Variants in STK3 observed in about 807,000 individuals in gnomAD.
STK3 encodes serine/threonine kinase 3.
STK3 carries 41 observed loss-of-function variants against 58.0 expected under a neutral mutation model. The observed-to-expected ratio is 0.71, with a 90% CI of 0.55 to 0.92. The LOEUF is 0.92. Among genes scored for constraint, STK3 ranks in the 40% least tolerant of loss-of-function variants. STK3 has a pLI of 0.00. For missense variants in STK3, 479 were observed against 602.7 expected (o/e 0.79, Z 2.15); for synonymous variants, 170 against 191.0 (o/e 0.89, Z 0.91).
Position 98,800,864 on chromosome 8 carries a change from C to G in STK3, c.26+24651G>C, listed in dbSNP as rs988467012. 6.6e-6 allele frequency among the ~76,000 whole-genome samples: 1 copy of G among 151,842 alleles called. No homozygotes were observed. Among genetic ancestry groups the G allele is most frequent in the Non-Finnish European group, 1.5e-5 (1 of 67,924 alleles). The stretch of plus-strand genomic sequence containing the variant: ...GGACCTGCAGCCCCCCATGCCAGAG[C>G]CCCCCCCACCAAGGTGGGCTCCCGT... On this transcript the variant is annotated intron_variant, in intron 1 of 10. Coordinates refer to ENST00000419617, the MANE Select transcript of STK3 (RefSeq NM_006281.4). This position sits in a 1 kb window ranked among gnomAD's most constrained non-coding sequence, Gnocchi z 4.8.
chr8:98,676,285 T>C (rs1002791862), intron 6 of STK3, among the ~76,000 whole-genome samples: 3 of 152,180 alleles, frequency 2.0e-5, no homozygotes, highest in Non-Finnish European at 4.4e-5. Flanking sequence ...AGATGAATAG[T>C]GGTGATGTTG....
At chr8:98,393,901 T>C (rs1276361549) in intron 3 of STK3, among the ~76,000 whole-genome samples, 1 of 152,174 alleles carries the variant, frequency 6.6e-6, no homozygotes, top group African/African-American at 2.4e-5. Context: ...TGCTTATTGT[T>C]TTAAGCCACT....
intron 1 of STK3, chr8:98,905,514 T>C: frequency 3.6e-6 from 4 of 1,118,792 alleles, no homozygotes; most frequent in Middle Eastern, 2.0e-4. Flanking sequence ...ATGCAAGTTG[T>C]GTATGGTATC....
At chr8:98,463,560 TACA>T (rs1412683478) in intron 10 of STK3, among the ~76,000 whole-genome samples, 1 of 152,224 alleles carries the variant, frequency 6.6e-6, no homozygotes, top group Admixed American at 6.5e-5. Flanking sequence ...TTCTGAACTC[TACA>T]AGAAGTATTG....
Position 98,617,586 on chromosome 8 carries a change from A to C in STK3, c.685-21417T>G, listed in dbSNP as rs571873990. Among the ~76,000 whole-genome samples the C allele has an allele frequency of 3.9e-5, 6 of 152,276 alleles. No homozygotes were observed. The South Asian group carries it at 1.2e-3, about 32-fold the overall frequency. On this transcript the variant is annotated intron_variant, in intron 6 of 10. Coordinates refer to ENST00000419617, the MANE Select transcript of STK3 (RefSeq NM_006281.4). ...GCTAGCAAGACTAACAAAGAAAAAA[A>C]GAGAGGAAAATCAAATCGACACAAT... is the stretch of plus-strand genomic sequence containing the variant.
At chr8:98,579,623 C>T in intron 8 of STK3, 41 bp downstream of exon 8, 1 of 1,593,860 alleles carries the variant, frequency 6.3e-7, no homozygotes, top group Non-Finnish European at 8.5e-7. Context: ...AGACAAATAA[C>T]TCAGAAGAAA....
At chr8:98,891,832 C>T (rs1316011517) in intron 1 of STK3, among the ~76,000 whole-genome samples, 2 of 152,018 alleles carry the variant, frequency 1.3e-5, no homozygotes, top group Non-Finnish European at 2.9e-5. Flanking sequence ...GGGGGTTGGA[C>T]TCAAGTCATC....
At chr8:98,397,958 T>C (rs555185766), downstream of STK3, among the ~76,000 whole-genome samples, 46 of 152,266 alleles carry the variant, frequency 3.0e-4, no homozygotes, top group Admixed American at 1.0e-3. Flanking sequence ...TGTGAGTCAA[T>C]TAAACCTCTT....
chr8:98,354,492 C>A, the STK3 span, among the ~76,000 whole-genome samples: 1 of 152,198 alleles, frequency 6.6e-6, no homozygotes, highest in African/African-American at 2.4e-5. Flanking sequence ...ACTAGGGGAA[C>A]AAACAGTGTC....
At chr8:98,866,078 T>G (rs1454795239) in intron 3 of STK3, among the ~76,000 whole-genome samples, 1 of 152,250 alleles carries the variant, frequency 6.6e-6, no homozygotes. Flanking sequence ...CCCTACAGTT[T>G]TTAGACCATC....
rs918099176 is a variant in STK3, at chr8:98,864,939, C to A, written c.110+18708G>T. 5.6e-4 allele frequency among the ~76,000 whole-genome samples: 85 copies of A among 152,332 alleles called. 1 individual carries two copies. Among genetic ancestry groups the A allele is most frequent in the African/African-American group, 1.7e-3 (72 of 41,560 alleles). ...AAAGAAGAGGTAGAAAAAGCAATCT[C>A]CTTTCTCTTTAGGACATGGGCCAGA... On this transcript the variant is annotated intron_variant, in intron 3 of 12. Transcript: ENST00000523601.
At chr8:98,456,703 T>G (rs1819515964) in intron 10 of STK3, among the ~76,000 whole-genome samples, 1 of 152,238 alleles carries the variant, frequency 6.6e-6, no homozygotes, top group African/African-American at 2.4e-5. Context: ...ACCTCCTCAG[T>G]AGCTGGGATG....
intron 9 of STK3, among the ~76,000 whole-genome samples, chr8:98,546,598 C>A (rs990753823): frequency 6.6e-6 from 1 of 152,156 alleles, no homozygotes; most frequent in African/African-American, 2.4e-5. Flanking sequence ...TGTTTTACCA[C>A]AGAGTCTTTG....
chr8:98,932,668 T>C (rs1840042251), intron 1 of STK3, among the ~76,000 whole-genome samples: 1 of 152,204 alleles, frequency 6.6e-6, no homozygotes, highest in Non-Finnish European at 1.5e-5. Flanking sequence ...ACTATCTTGT[T>C]AAAATTCAGA....
intron 7 of STK3, among the ~76,000 whole-genome samples, chr8:98,592,222 T>C (rs1815375369): frequency 6.6e-6 from 1 of 152,236 alleles, no homozygotes; most frequent in African/African-American, 2.4e-5. Flanking sequence ...GCTTCACTGT[T>C]GTCTGTATCT....
At position 98,582,379 on chromosome 8, in the gene STK3, T is replaced by C. The variant is rs1056468727; in HGVS notation, c.823-2590A>G. On this transcript the variant is annotated intron_variant, in intron 7 of 10. Transcript: ENST00000419617. ...CCGTTTTTTGCCATTCATGCATTTT[T>C]TAAGTTATATGTATTCAAATCATCC... Among the ~76,000 whole-genome samples the C allele has an allele frequency of 2.0e-4, 30 of 152,206 alleles. 1 individual carries two copies. Among genetic ancestry groups the C allele is most frequent in the African/African-American group, 7.0e-4 (29 of 41,580 alleles).
chr8:98,404,604 C>T (rs1465151100), intron 3 of STK3, among the ~76,000 whole-genome samples: 4 of 144,166 alleles, frequency 2.8e-5, no homozygotes, highest in Non-Finnish European at 6.0e-5. Flanking sequence ...GGCGTGAACC[C>T]GGGAGGCGGA....
chr8:98,523,328 A>G (rs1458221795), intron 10 of STK3, among the ~76,000 whole-genome samples: 1 of 151,376 alleles, frequency 6.6e-6, no homozygotes, highest in Non-Finnish European at 1.5e-5. Context: ...TGTGTTTATT[A>G]GCCATGCTTA....
At chr8:98,942,100 T>A (rs1840455593) in intron 1 of STK3, among the ~76,000 whole-genome samples, 1 of 152,150 alleles carries the variant, frequency 6.6e-6, no homozygotes, top group South Asian at 2.1e-4. Context: ...GCGGGTGACC[T>A]GCTCTTGGGT....
Sources: gnomAD v4.1 joint callset for allele counts (sites outside exome capture counted in the v4.1 genomes callset) on GRCh38, gnomAD v4.1.1 for gene constraint, Gnocchi (gnomAD v3.1) non-coding constraint, MANE v1.5 for transcripts, NCBI Gene and HGNC (gene_info 2026-07-23, HGNC 2026-07-21) for gene names.